The following PTPRN2 variants were observed in gnomAD, a reference collection of about 807,000 sequenced individuals.
The protein encoded by PTPRN2 is receptor-type tyrosine-protein phosphatase N2.
In PTPRN2, 74 loss-of-function variants were observed where a neutral mutation model predicts 118.8. The ratio of observed to expected loss-of-function variants is 0.62; its 90% CI spans 0.52 to 0.76. PTPRN2 has a LOEUF of 0.76. Among genes scored for constraint, PTPRN2 ranks in the 30% least tolerant of loss-of-function variants. The pLI is 0.00. For missense variants in PTPRN2, 1,481 were observed against 1,394.4 expected (o/e 1.06, Z -0.99); for synonymous variants, 641 against 608.0 (o/e 1.05, Z -0.80).
At chr7:157,939,780 CCCTTGGATAGGT>C (rs1405071227) in intron 11 of PTPRN2, among the ~76,000 whole-genome samples, 2 of 152,180 alleles carry the variant, frequency 1.3e-5, no homozygotes, top group Non-Finnish European at 2.9e-5. Flanking sequence ...TTTTGCTAGG[CCCTTGGATAGGT>C]GCATTTGGCT....
At position 157,764,015 on chromosome 7, in the gene PTPRN2, G is replaced by A. The variant is rs1160860846; in HGVS notation, c.1789-81078C>T. Reference sequence around the variant, plus strand: ...AAGCTTTAGTCGCAGCCACATGAGTGGAGCATGTGGAGGCTAGGAGAGGCC... The same window carrying A: ...AAGCTTTAGTCGCAGCCACATGAGTAGAGCATGTGGAGGCTAGGAGAGGCC... On this transcript the variant is annotated intron_variant, in intron 12 of 22. Coordinates refer to ENST00000389418, the MANE Select transcript of PTPRN2 (RefSeq NM_002847.5). This position sits in a 1 kb window ranked among gnomAD's most constrained non-coding sequence, Gnocchi z 4.5. 6.6e-6 allele frequency among the ~76,000 whole-genome samples: 1 copy of A among 152,240 alleles called. No individual in the cohort carries two copies. Among genetic ancestry groups the A allele is most frequent in the East Asian group, 1.9e-4 (1 of 5,184 alleles).
intron 8 of PTPRN2, 142 bp downstream of exon 8, chr7:158,136,513 T>C (rs1319255137): frequency 1.0e-5 from 7 of 694,172 alleles, no homozygotes; most frequent in Non-Finnish European, 1.7e-5. Flanking sequence ...ATACTGTTTT[T>C]CAATTTGGAG....
chr7:158,518,219 T>C (rs1224238628), intron 1 of PTPRN2, among the ~76,000 whole-genome samples: 2 of 152,060 alleles, frequency 1.3e-5, no homozygotes, highest in African/African-American at 4.8e-5. Context: ...ACGGATTTCA[T>C]GGGGTGGGAG....
In PTPRN2 at chr7:157,716,249, A is replaced by C. The variant is rs76501205; in HGVS notation, c.1789-33312T>G. Among the ~76,000 whole-genome samples the C allele has an allele frequency of 5.0e-3, 514 of 101,830 alleles. 3 individuals are homozygous for C. Among genetic ancestry groups the C allele is most frequent in the African/African-American group, 0.016 (480 of 30,220 alleles). 66.8% of individuals were successfully genotyped at this position (101,830 alleles called of 152,430 possible). On this transcript the variant is annotated intron_variant, in intron 12 of 22. Transcript: ENST00000389418. The stretch of plus-strand genomic sequence containing the variant: ...AGTTGTTGGGTGGGCCATGGCCACG[A>C]AGACTCTGCGGGAACACTGCCTGGT...
chr7:158,286,027 A>G (rs1000681629), intron 3 of PTPRN2, among the ~76,000 whole-genome samples: 2 of 152,228 alleles, frequency 1.3e-5, no homozygotes, highest in Non-Finnish European at 2.9e-5. Flanking sequence ...ACATTTATCA[A>G]CAGCCATCGG....
At chr7:157,732,264 C>T (rs372846789) in intron 12 of PTPRN2, among the ~76,000 whole-genome samples, 4 of 21,286 alleles carry the variant, frequency 1.9e-4, no homozygotes, top group Admixed American at 4.0e-4. Context: ...TCCCGTCCCA[C>T]GCGCCCAGCA....
At chr7:158,341,768 C>G (rs371913454) in intron 2 of PTPRN2, among the ~76,000 whole-genome samples, 916 of 43,956 alleles carry the variant, frequency 0.021, 2 homozygotes, top group Non-Finnish European at 0.025. Context: ...ACCATAAGAG[C>G]TGACACCTGC....
intron 2 of PTPRN2, among the ~76,000 whole-genome samples, chr7:158,351,671 C>T (rs1807946676): frequency 6.6e-6 from 1 of 152,136 alleles, no homozygotes; most frequent in Admixed American, 6.5e-5. Flanking sequence ...TCCATGTGAA[C>T]ACCTGCCCTG....
chr7:158,068,801 AC>A (rs1456449036), intron 11 of PTPRN2, among the ~76,000 whole-genome samples: 1 of 152,220 alleles, frequency 6.6e-6, no homozygotes, highest in Non-Finnish European at 1.5e-5. Context: ...TTGTGTAATT[AC>A]TTTTGCCCAT....
At chr7:157,570,982 C>G (rs555777063) in intron 20 of PTPRN2, among the ~76,000 whole-genome samples, 1 of 152,122 alleles carries the variant, frequency 6.6e-6, no homozygotes, top group Non-Finnish European at 1.5e-5. Context: ...CGGTGGCTCA[C>G]GCCTGTAATC....
intron 10 of PTPRN2, among the ~76,000 whole-genome samples, chr7:158,094,826 C>A (rs1185369062): frequency 6.6e-6 from 1 of 152,190 alleles, no homozygotes; most frequent in African/African-American, 2.4e-5. Flanking sequence ...CCTGAGTGTT[C>A]CTGAGGGCTC....
chr7:158,262,795 A>AC (rs1797568893), intron 3 of PTPRN2, among the ~76,000 whole-genome samples: 1 of 148,288 alleles, frequency 6.7e-6, no homozygotes, highest in South Asian at 2.2e-4. Flanking sequence ...ACACATACAC[A>AC]TTCACACACT....
At position 158,076,934 on chromosome 7, in the gene PTPRN2, G is replaced by A. The variant is rs572301998; in HGVS notation, c.1723+4364C>T. Among the ~76,000 whole-genome samples, 6 of 152,334 alleles carry A rather than the reference G, an allele frequency of 3.9e-5. No homozygotes were observed. In the South Asian group the frequency reaches 8.3e-4, roughly 21 times the overall value. On this transcript the variant is annotated intron_variant, in intron 11 of 22. Transcript: ENST00000389418. ...GCCGAAGACAGAATCCGCACGGAGC[G>A]GACCAGACTGTGAAGCACCGATGCC...
chr7:158,379,562 C>A (rs1018963348), intron 2 of PTPRN2, among the ~76,000 whole-genome samples: 12 of 152,000 alleles, frequency 7.9e-5, no homozygotes, highest in Non-Finnish European at 2.9e-5. Flanking sequence ...AAACTCACAC[C>A]TCACGGGTGG....
chr7:157,761,630 C>G (rs1286568952), intron 12 of PTPRN2, among the ~76,000 whole-genome samples: 1 of 147,874 alleles, frequency 6.8e-6, no homozygotes, highest in Non-Finnish European at 1.5e-5. Flanking sequence ...AACATTAGAC[C>G]TAAAACCATA....
chr7:158,320,558 C>T (rs111229069), intron 2 of PTPRN2, among the ~76,000 whole-genome samples: 6 of 67,892 alleles, frequency 8.8e-5, no homozygotes, highest in Admixed American at 1.5e-4. Flanking sequence ...TCGGCAGCGC[C>T]GGGTGGCGTC....
chr7:158,036,480 T>A (rs1018325089), intron 11 of PTPRN2, among the ~76,000 whole-genome samples: 6 of 152,186 alleles, frequency 3.9e-5, no homozygotes, highest in African/African-American at 1.2e-4. Flanking sequence ...ATTACTTCGA[T>A]ACTAGCACTG....
rs543007371 is a variant in PTPRN2, at chr7:158,141,932, G to A, written c.911-3417C>T. Reference sequence around the variant, plus strand: ...CGGACACGGGCGTTCTGATCGGAGCGTGCTGGGCGTTCACTGCCACCGATG... The same window carrying A: ...CGGACACGGGCGTTCTGATCGGAGCATGCTGGGCGTTCACTGCCACCGATG... On this transcript the variant is annotated intron_variant, in intron 6 of 22. Transcript: ENST00000389418. 3.3e-5 allele frequency among the ~76,000 whole-genome samples: 5 copies of A among 152,314 alleles called. No individual in the cohort carries two copies. The South Asian group carries it at 6.2e-4, about 19-fold the overall frequency.
At position 157,956,619 on chromosome 7, in the gene PTPRN2, G is replaced by A. The variant is rs116358372; in HGVS notation, c.1724-57882C>T. 5.4e-3 allele frequency among the ~76,000 whole-genome samples: 822 copies of A among 152,368 alleles called. 9 individuals are homozygous for A. Among genetic ancestry groups the A allele is most frequent in the African/African-American group, 0.019 (778 of 41,584 alleles). ...AAAAGCAGCTGGTTCAGAGCTGCCA[G>A]TGCTCCCCAGGGGAAGGACTGACAG... On this transcript the variant is annotated intron_variant, in intron 11 of 22. Coordinates refer to ENST00000389418, the MANE Select transcript of PTPRN2 (RefSeq NM_002847.5).
Sources: gnomAD v4.1 joint callset for allele counts (sites outside exome capture counted in the v4.1 genomes callset) on GRCh38, gnomAD v4.1.1 for gene constraint, Gnocchi (gnomAD v3.1) non-coding constraint, MANE v1.5 for transcripts, NCBI Gene and HGNC (gene_info 2026-07-23, HGNC 2026-07-21) for gene names.